Variants in NVL observed in about 807,000 individuals in gnomAD.
NVL encodes the protein nuclear VCP like, also known as nuclear valosin-containing protein-like.
In NVL, 84 loss-of-function variants were observed where a neutral mutation model predicts 110.2. The ratio of observed to expected loss-of-function variants is 0.76; its 90% CI spans 0.64 to 0.91. NVL has a LOEUF of 0.91. NVL is among the 40% of genes least tolerant of loss of function. The pLI is 0.00. For synonymous variants in NVL, 354 were observed against 361.1 expected (o/e 0.98, Z 0.22); for missense variants, 882 against 1,035.9 (o/e 0.85, Z 2.04).
intron 2 of NVL, among the ~76,000 whole-genome samples, chr1:224,318,209 CGT>C (rs1381880172): frequency 6.6e-6 from 1 of 152,122 alleles, no homozygotes; most frequent in Non-Finnish European, 1.5e-5. Flanking sequence ...AATCAACACT[CGT>C]ATATTCTTTA....
In NVL at chr1:224,275,395, A is replaced by G. The variant is rs1348506236; in HGVS notation, c.2026T>C (p.Cys676Arg). The change falls in exon 17 of 23, where the codon TGT (cysteine) becomes CGT (arginine). Residue 676 changes from cysteine (C) to arginine (R), a missense_variant. By Grantham distance (180) the Cys-to-Arg change is radical. Around this residue, in one of 4 missense-constraint regions of NVL, gnomAD observed 66 missense variants for 127.5 expected, o/e 0.52. Transcript: ENST00000281701. ...TCCACTTCATCAAAGAATATCACAC[A>G]GGGTGCTGAGTTCTTGGCTCGTTGA... ...VFQRAKNSAP[C>R]VIFFDEVDAL... 6 of 1,614,174 alleles carry G rather than the reference A, an allele frequency of 3.7e-6. No homozygotes were observed. Among genetic ancestry groups the G allele is most frequent in the Non-Finnish European group, 4.2e-6 (5 of 1,180,018 alleles).
chr1:224,308,953 C>A (rs541231749), intron 5 of NVL, among the ~76,000 whole-genome samples: 1 of 146,286 alleles, frequency 6.8e-6, no homozygotes, highest in Admixed American at 6.9e-5. Flanking sequence ...CCCAGCTACT[C>A]GGGAGGCTGA....
intron 18 of NVL, among the ~76,000 whole-genome samples, chr1:224,253,297 G>A (rs1397482846): frequency 2.7e-5 from 4 of 150,858 alleles, no homozygotes; most frequent in African/African-American, 4.9e-5. Flanking sequence ...TGATCCACCC[G>A]CCTTAGCCTC....
chr1:224,313,144 G>A, intron 4 of NVL: 1 of 265,566 alleles, frequency 3.8e-6, no homozygotes. Flanking sequence ...GGGTGACAGA[G>A]CGAGACGCTG....
chr1:224,255,414 G>A (rs1291976135), intron 18 of NVL, among the ~76,000 whole-genome samples: 6 of 150,912 alleles, frequency 4.0e-5, no homozygotes, highest in East Asian at 2.0e-4. Flanking sequence ...GGTTGGTCTC[G>A]ATCTCCTGAC....
At chr1:224,234,639 C>T (rs111728883) in intron 20 of NVL, among the ~76,000 whole-genome samples, 1,595 of 152,048 alleles carry the variant, frequency 0.01, 28 homozygotes, top group African/African-American at 0.036. Context: ...GTTTTGTTGG[C>T]TAAATGTTAG....
intron 22 of NVL, 189 bp from the exon 23 acceptor site, chr1:224,227,859 T>C: frequency 2.8e-6 from 1 of 355,156 alleles, no homozygotes; most frequent in East Asian, 5.0e-5. Flanking sequence ...TTATCCAATA[T>C]GACTGCTCTC....
intron 11 of NVL, among the ~76,000 whole-genome samples, chr1:224,296,176 C>T (rs1667868019): frequency 1.3e-5 from 2 of 152,032 alleles, no homozygotes; most frequent in Non-Finnish European, 1.5e-5. Flanking sequence ...AAGCAACCTA[C>T]AATCTGGTAA....
chr1:224,327,835 GT>G (rs963102302), intron 1 of NVL, among the ~76,000 whole-genome samples: 1 of 151,600 alleles, frequency 6.6e-6, no homozygotes, highest in Non-Finnish European at 1.5e-5. Context: ...GAAGGAGCAA[GT>G]TGTGGGACGC....
chr1:224,270,468 G>A (rs567839290), intron 17 of NVL, among the ~76,000 whole-genome samples: 2 of 152,312 alleles, frequency 1.3e-5, no homozygotes, highest in Non-Finnish European at 2.9e-5. Context: ...TGAGGCAGAA[G>A]AATTGCTTGA....
chr1:224,232,773 CA>C (rs911680000), intron 21 of NVL: 1 of 154,056 alleles, frequency 6.5e-6, no homozygotes, highest in Non-Finnish European at 1.4e-5. Context: ...ACACAATACA[CA>C]GATTTTATAT....
At chr1:224,276,451 C>A (rs1665766503) in intron 16 of NVL, among the ~76,000 whole-genome samples, 1 of 152,094 alleles carries the variant, frequency 6.6e-6, no homozygotes, top group African/African-American at 2.4e-5. Context: ...GTTGGCCAGG[C>A]TGGTCTCGAA....
chr1:224,251,836 T>G (rs1436420856), intron 18 of NVL, among the ~76,000 whole-genome samples: 1 of 152,122 alleles, frequency 6.6e-6, no homozygotes, highest in Non-Finnish European at 1.5e-5. Context: ...AGCATTCCTC[T>G]GATTACGTCA....
intron 18 of NVL, among the ~76,000 whole-genome samples, chr1:224,266,533 C>A (rs1348124590): frequency 1.3e-5 from 2 of 152,166 alleles, no homozygotes. Context: ...GGCCACTCAG[C>A]CTTGACCTTC....
intron 18 of NVL, chr1:224,256,942 T>C (rs1282516960): frequency 4.4e-6 from 2 of 456,190 alleles, no homozygotes; most frequent in Non-Finnish European, 8.9e-6. Flanking sequence ...CATCCACAGC[T>C]ATCACCCGGC....
At chr1:224,326,537 C>T in intron 1 of NVL, 73 bp from the exon 2 acceptor site, 1 of 953,802 alleles carries the variant, frequency 1.0e-6, no homozygotes, top group Non-Finnish European at 1.7e-6. Flanking sequence ...ACAGATTGAG[C>T]TATCTGAACA....
intron 18 of NVL, among the ~76,000 whole-genome samples, chr1:224,266,202 A>G (rs1355895341): frequency 1.3e-5 from 2 of 152,154 alleles, no homozygotes; most frequent in South Asian, 4.1e-4. Flanking sequence ...TTTGAGAGAA[A>G]CAGGGCCCTC....
At chr1:224,299,201 G>A (rs1265440343) in intron 10 of NVL, among the ~76,000 whole-genome samples, 5 of 152,078 alleles carry the variant, frequency 3.3e-5, no homozygotes, top group East Asian at 3.8e-4. Flanking sequence ...TGCAAAAGAC[G>A]CCTATGACTG....
intron 6 of NVL, chr1:224,305,468 A>G: frequency 4.1e-6 from 1 of 241,528 alleles, no homozygotes; most frequent in African/African-American, 2.2e-5. Flanking sequence ...AAATTTGTGA[A>G]GCATCCCATA....
Sources: gnomAD v4.1 joint callset for allele counts (sites outside exome capture counted in the v4.1 genomes callset) on GRCh38, gnomAD v4.1.1 for gene constraint, gnomAD v4.1.1 regional missense constraint, MANE v1.5 for transcripts, NCBI Gene and HGNC (gene_info 2026-07-23, HGNC 2026-07-21) for gene names.